The following EXOC6 variants were observed in gnomAD, a reference collection of about 807,000 sequenced individuals.
EXOC6 encodes the protein exocyst complex component 6.
EXOC6 carries 60 observed loss-of-function variants against 112.5 expected under a neutral mutation model. The ratio of observed to expected loss-of-function variants is 0.53; its 90% CI spans 0.43 to 0.66. The LOEUF is 0.66. EXOC6 is among the 30% of genes least tolerant of loss of function. The pLI, the probability that EXOC6 is intolerant of heterozygous loss-of-function variation, is 0.00. For missense variants in EXOC6, 855 were observed against 957.1 expected, an observed-to-expected ratio of 0.89 and a Z score of 1.41; for synonymous variants, 295 against 308.0, an observed-to-expected ratio of 0.96 and a Z score of 0.44.
chr10:93,057,015 C>T lies in EXOC6; in HGVS notation c.2261C>T (p.Thr754Ile). 2 of 1,582,670 alleles carry T rather than the reference C, an allele frequency of 1.3e-6. No homozygotes were observed. Among genetic ancestry groups the T allele is most frequent in the Non-Finnish European group, 1.7e-6 (2 of 1,168,736 alleles). Residue 754 changes from threonine (T) to isoleucine (I), a missense_variant, in exon 21 of 22, where the codon ACA becomes ATA. Thr to Ile is a moderately conservative substitution (Grantham distance 89). Transcript: ENST00000260762. ...AAGTACCTTCGGGTGAATCCAAACACAGCCCTTACTCTTTTGGAGAAGTGA... is the reference window on the plus strand; with the variant it reads ...AAGTACCTTCGGGTGAATCCAAACATAGCCCTTACTCTTTTGGAGAAGTGA... ...ASKYLRVNPN[T>I]ALTLLEKMKD...
intron 20 of EXOC6, among the ~76,000 whole-genome samples, chr10:93,050,904 ATAAG>A (rs1022090712): frequency 5.3e-5 from 8 of 152,078 alleles, no homozygotes; most frequent in Non-Finnish European, 1.2e-4. Context: ...CAAAAAACAA[ATAAG>A]TAAGGAGTTA....
At chr10:92,901,468 A>G (rs1850165176) in intron 5 of EXOC6, 1 of 151,754 alleles carries the variant, frequency 6.6e-6, no homozygotes, top group African/African-American at 2.4e-5. Context: ...TAAAATAAAT[A>G]TATTATAATT....
intron 1 of EXOC6, among the ~76,000 whole-genome samples, chr10:92,877,861 G>A (rs1006686909): frequency 2.0e-5 from 3 of 152,102 alleles, no homozygotes; most frequent in Non-Finnish European, 4.4e-5. Context: ...TTAGGAAAAG[G>A]ATATGTCTTT....
Position 93,058,340 on chromosome 10 carries a change from G to A in EXOC6, c.2400G>A (p.Met800Ile). 6.2e-7 allele frequency: 1 copy of A among 1,608,224 alleles called. No homozygotes were observed. The highest frequency in any genetic ancestry group is 8.5e-7 in the Non-Finnish European group (1 of 1,178,888). The change falls in exon 22 of 22, where the codon ATG becomes ATA. Residue 800 changes from methionine to isoleucine, a missense_variant. Met to Ile is a conservative substitution (Grantham distance 10, BLOSUM62 1). Coordinates refer to ENST00000260762, the MANE Select transcript of EXOC6 (RefSeq NM_019053.6). ...AGCTGAGAAGTTTGGTGAATGGTAT[G>A]TCCCAGCACATGTAGACCTCACATG... ...VKQLRSLVNGMSQHM is the reference protein window; with the variant it reads ...VKQLRSLVNGISQHM
In EXOC6 at chr10:92,934,356, G is replaced by A. The variant is rs1228537817; in HGVS notation, c.1066G>A (p.Val356Ile). Residue 356 changes from valine (V) to isoleucine (I), a missense_variant, in exon 11 of 22, where the codon GTA becomes ATA. Val to Ile is a conservative substitution (Grantham distance 29). Coordinates refer to ENST00000260762, the MANE Select transcript of EXOC6 (RefSeq NM_019053.6). ...DHILHVTQGL[V>I]TRAYTDELWN... The stretch of plus-strand genomic sequence containing the variant: ...CATTTTACATGTGACCCAAGGATTA[G>A]TAACCAGGGCATACACTGATGAACT... 1.7e-5 allele frequency: 27 copies of A among 1,602,936 alleles called. No homozygotes were observed. Among genetic ancestry groups the A allele is most frequent in the Non-Finnish European group, 2.2e-5 (26 of 1,175,898 alleles).
At chr10:93,045,657 G>C (rs1340762393) in intron 20 of EXOC6, among the ~76,000 whole-genome samples, 1 of 152,214 alleles carries the variant, frequency 6.6e-6, no homozygotes, top group Admixed American at 6.5e-5. Context: ...TGACTTATCA[G>C]AGAGAACTGA....
intron 5 of EXOC6, chr10:92,900,140 C>G (rs1250545897): frequency 1.3e-5 from 2 of 152,384 alleles, no homozygotes; most frequent in Non-Finnish European, 2.9e-5. Context: ...TAAAGACGAA[C>G]AGTTTTGGCC....
At chr10:93,034,723 T>C (rs577316272) in intron 20 of EXOC6, among the ~76,000 whole-genome samples, 1 of 152,236 alleles carries the variant, frequency 6.6e-6, no homozygotes, top group African/African-American at 2.4e-5. Flanking sequence ...TATTCTTTTA[T>C]GATGAGGAAG....
rs1842976876 is a variant in EXOC6 at position 92,985,703 on chromosome 10, A to AT, written c.1953+11472dup. 2.0e-5 allele frequency among the ~76,000 whole-genome samples: 3 copies of AT among 152,096 alleles called. No individual in the cohort carries two copies. The South Asian group carries it at 6.2e-4, about 32-fold the overall frequency. On this transcript the variant is annotated intron_variant, in intron 18 of 21. Coordinates refer to ENST00000260762, the MANE Select transcript of EXOC6 (RefSeq NM_019053.6). ...GTTGATTTACTTATTCTGACACCTC[A>AT]TGTCCTCTTTTAGCTCTGCACTTTT... is the stretch of plus-strand genomic sequence containing the variant.
intron 20 of EXOC6, among the ~76,000 whole-genome samples, chr10:93,028,991 A>G (rs942742601): frequency 6.6e-6 from 1 of 152,180 alleles, no homozygotes; most frequent in African/African-American, 2.4e-5. Flanking sequence ...ACCTTTTGTG[A>G]AAGGAAGAGT....
intron 20 of EXOC6, among the ~76,000 whole-genome samples, chr10:93,037,968 A>G (rs1224622614): frequency 7.3e-6 from 1 of 137,194 alleles, no homozygotes; most frequent in Non-Finnish European, 1.5e-5. Flanking sequence ...TGAACCCGGG[A>G]GGCGGAGCTT....
intron 1 of EXOC6, among the ~76,000 whole-genome samples, chr10:92,882,588 T>A (rs1443424268): frequency 6.6e-6 from 1 of 151,954 alleles, no homozygotes; most frequent in Non-Finnish European, 1.5e-5. Flanking sequence ...TCTTTGCTAT[T>A]TGTTGTTTAA....
chr10:92,978,778 C>T (rs879261700), intron 18 of EXOC6, among the ~76,000 whole-genome samples: 13 of 152,074 alleles, frequency 8.5e-5, no homozygotes, highest in Non-Finnish European at 1.8e-4. Flanking sequence ...CCTTCTTTAA[C>T]CCTCAAAGAA....
At chr10:92,996,737 A>G (rs1198797758) in intron 18 of EXOC6, among the ~76,000 whole-genome samples, 1 of 152,206 alleles carries the variant, frequency 6.6e-6, no homozygotes, top group Non-Finnish European at 1.5e-5. Context: ...GTTCATGTAG[A>G]GTTTTAGGAG....
chr10:92,951,900 CTGGCCTATAATTTTCA>C (rs1853440259), intron 14 of EXOC6, among the ~76,000 whole-genome samples: 1 of 152,184 alleles, frequency 6.6e-6, no homozygotes, highest in South Asian at 2.1e-4. Flanking sequence ...AGCCAGAAAG[CTGGCCTATAATTTTCA>C]TGGCCACCCT....
intron 17 of EXOC6, among the ~76,000 whole-genome samples, chr10:92,971,596 G>A (rs78271170): frequency 0.011 from 1,623 of 151,614 alleles, 34 homozygotes; most frequent in African/African-American, 0.037. Flanking sequence ...GGCTCATCTC[G>A]AACTCTTGAC....
intron 12 of EXOC6, among the ~76,000 whole-genome samples, chr10:92,939,898 A>G (rs1023074832): frequency 1.3e-5 from 2 of 152,202 alleles, no homozygotes; most frequent in East Asian, 3.9e-4. Flanking sequence ...AGTTTAAATA[A>G]AGGAATAGAA....
intron 17 of EXOC6, among the ~76,000 whole-genome samples, chr10:92,963,190 T>C (rs1854112180): frequency 6.6e-6 from 1 of 152,226 alleles, no homozygotes; most frequent in South Asian, 2.1e-4. Flanking sequence ...TTTAAAATAA[T>C]GTTTGGTTTA....
rs765496484 is a variant in EXOC6, at chr10:92,948,385, A to G, written c.1416+6A>G. 1 of 1,475,100 alleles carries G rather than the reference A, an allele frequency of 6.8e-7. No homozygotes were observed. Among genetic ancestry groups the G allele is most frequent in the South Asian group, 1.3e-5 (1 of 79,846 alleles). 91.4% of individuals were successfully genotyped at this position (1,475,100 alleles called of 1,614,324 possible). On this transcript the variant is annotated splice_donor_region_variant and intron_variant, in intron 14 of 21. Coordinates refer to ENST00000260762, the MANE Select transcript of EXOC6 (RefSeq NM_019053.6). ...AAGATCCAGACCTTGAAAAGGTACA[A>G]GCTAGTTTTTAATTCAAGGATTTTC...
Sources: allele counts gnomAD v4.1 joint callset (sites outside exome capture counted in the v4.1 genomes callset), GRCh38; gene constraint gnomAD v4.1.1; transcripts MANE v1.5; gene names NCBI Gene and HGNC (gene_info 2026-07-23, HGNC 2026-07-21).